LLGL1: variants seen among roughly 807,000 people sequenced by gnomAD.
LLGL1 encodes the protein LLGL scribble cell polarity complex component 1.
A neutral mutation model predicts 110.6 loss-of-function variants in LLGL1; 58 were observed. The observed-to-expected ratio is 0.52, with a 90% CI of 0.42 to 0.65. The LOEUF (loss-of-function observed/expected upper bound fraction) is 0.65. LLGL1 is among the 30% of genes least tolerant of loss of function. The pLI is 0.00. For synonymous variants in LLGL1, 674 were observed against 607.2 expected (o/e 1.11, Z -1.62); for missense variants, 1,229 against 1,462.1 (o/e 0.84, Z 2.60).
At chr17:18,230,745 G>A (rs1219668742) in intron 2 of LLGL1, among the ~76,000 whole-genome samples, 2 of 152,136 alleles carry the variant, frequency 1.3e-5, no homozygotes, top group East Asian at 3.9e-4. Context: ...CTGGGTTTCA[G>A]TATCCTGGTT....
intron 2 of LLGL1, 78 bp from the exon 3 acceptor site, chr17:18,232,417 C>A: frequency 7.6e-7 from 1 of 1,308,968 alleles, no homozygotes; most frequent in Non-Finnish European, 1.1e-6. Flanking sequence ...TAGTCCGGGT[C>A]AAGGAGGAGC....
At chr17:18,227,083 C>T (rs991576820) in intron 1 of LLGL1, among the ~76,000 whole-genome samples, 2 of 152,166 alleles carry the variant, frequency 1.3e-5, no homozygotes, top group African/African-American at 4.8e-5. Flanking sequence ...TTGTGCCAGG[C>T]GCCCTGGGCT....
Position 18,234,411 on chromosome 17 carries a change from G to A in LLGL1, c.850+3G>A. ...CACGGTAGCCACCACACCTTACGGT[G>A]AGTGCTGGGGACACCTTAGCCAGAG... On this transcript the variant is annotated splice_donor_region_variant and intron_variant, in intron 7 of 22. Transcript: ENST00000316843. 1 of 1,611,704 alleles carries A rather than the reference G, an allele frequency of 6.2e-7. No homozygotes were observed. The highest frequency in any genetic ancestry group is 8.5e-7 in the Non-Finnish European group (1 of 1,179,472).
At chr17:18,242,362 G>A (rs1452691948) in intron 20 of LLGL1, 84 bp downstream of exon 20, 24 of 1,543,916 alleles carry the variant, frequency 1.6e-5, no homozygotes, top group Admixed American at 5.1e-5. Flanking sequence ...CTCAGGGATC[G>A]GGCAGGCTTC....
chr17:18,238,451 G>A lies in LLGL1; in HGVS notation c.2053-5G>A, dbSNP rs761901878. The A allele has an allele frequency of 5.6e-6, 9 of 1,604,678 alleles. No homozygotes were observed. The highest frequency in any genetic ancestry group is 3.3e-5 in the South Asian group (3 of 90,556). Reference sequence around the variant, plus strand: ...AGACAGTGTTCAGGAGCCCCCGCCCGGCAGTTGCAGGAAGCCAATGCACAG... The same window carrying A: ...AGACAGTGTTCAGGAGCCCCCGCCCAGCAGTTGCAGGAAGCCAATGCACAG... On this transcript the variant is annotated splice_region_variant and splice_polypyrimidine_tract_variant and intron_variant, in intron 15 of 22. Transcript: ENST00000316843.
At chr17:18,242,952 C>A in intron 22 of LLGL1, 130 bp downstream of exon 22, 1 of 840,508 alleles carries the variant, frequency 1.2e-6, no homozygotes. Context: ...CTCTCTGAAA[C>A]CTGGCTGCCT....
At chr17:18,229,676 G>A (rs1225602592) in intron 1 of LLGL1, among the ~76,000 whole-genome samples, 1 of 152,210 alleles carries the variant, frequency 6.6e-6, no homozygotes, top group Non-Finnish European at 1.5e-5. Context: ...GGGGCACAGG[G>A]GCTTGGCAAA....
chr17:18,243,492 A>G (rs2047900866), intron 22 of LLGL1, among the ~76,000 whole-genome samples: 1 of 152,212 alleles, frequency 6.6e-6, no homozygotes, highest in African/African-American at 2.4e-5. Context: ...AGATGAGATC[A>G]CTGAGGTGCA....
At chr17:18,229,185 T>C (rs778812604) in intron 1 of LLGL1, among the ~76,000 whole-genome samples, 7 of 152,038 alleles carry the variant, frequency 4.6e-5, no homozygotes, top group Non-Finnish European at 1.0e-4. Flanking sequence ...GACAGGAGAC[T>C]GGTGCAGAAA....
chr17:18,236,015 A>G, intron 11 of LLGL1: 1 of 192,128 alleles, frequency 5.2e-6, no homozygotes, highest in Non-Finnish European at 1.1e-5. Flanking sequence ...AATGAGTCTC[A>G]ACCACCCCCA....
chr17:18,234,214 C>T, intron 6 of LLGL1, 39 bp downstream of exon 6: 1 of 1,598,276 alleles, frequency 6.3e-7, no homozygotes, highest in African/African-American at 1.3e-5. Flanking sequence ...GCCTGGGCCC[C>T]TTGTGCATGC....
Position 18,232,787 on chromosome 17 carries a change from G to T in LLGL1, c.377G>T (p.Gly126Val). The change falls in exon 4 of 23, where the codon GGC (glycine) becomes GTC (valine). Residue 126 changes from glycine to valine, a missense_variant. By Grantham distance (109) the Gly-to-Val change is moderately radical. Coordinates refer to ENST00000316843, the MANE Select transcript of LLGL1 (RefSeq NM_004140.4). ...AGTTTCCAGCTGCCCAGCCGGCCCG[G>T]CTTTGATGGTGCCAGGTACTGGAGA... ...ALSFQLPSRP[G>V]FDGASAPLSL... is the part of the protein sequence containing the mutation. The T allele has an allele frequency of 6.2e-7, 1 of 1,613,976 alleles. No homozygotes were observed. Among genetic ancestry groups the T allele is most frequent in the Middle Eastern group, 1.7e-4 (1 of 6,060 alleles).
Position 18,234,719 on chromosome 17 carries a change from G to A in LLGL1, c.905+16G>A. On this transcript the variant is annotated intron_variant, in intron 8 of 22. Transcript: ENST00000316843. ...GTGAATCTGGGTAGGTCGAGGGAGT[G>A]GGTGTCCGATGTGAGTTGGGTCTGG... The A allele has an allele frequency of 6.2e-7, 1 of 1,614,072 alleles. No homozygotes were observed. Among genetic ancestry groups the A allele is most frequent in the East Asian group, 2.2e-5 (1 of 44,880 alleles).
In LLGL1 at chr17:18,225,730, G is replaced by A. The variant is rs2142519473; in HGVS notation, c.48G>A (p.Glu16=). 9.5e-7 allele frequency: 1 copy of A among 1,048,294 alleles called. No homozygotes were observed. The allele number at this position is 1,048,294 out of a possible 1,614,324, so 64.9% of individuals were successfully genotyped here. ...FRRQGADPQR[E]KLKQELFAFN... Reference sequence around the variant, plus strand: ...GGCAGGGCGCCGACCCGCAGCGCGAGAAGCTCAAGCAGGAGCTTTTCGCCT... The same window carrying A: ...GGCAGGGCGCCGACCCGCAGCGCGAAAAGCTCAAGCAGGAGCTTTTCGCCT... The change falls in exon 1 of 23, where the codon GAG becomes GAA. Residue 16 remains glutamate (E), a synonymous_variant. Transcript: ENST00000316843.
rs771354361 is a variant in LLGL1, at chr17:18,234,076, G to A, written c.615G>A (p.Leu205=). 1.7e-5 allele frequency: 28 copies of A among 1,611,370 alleles called. No homozygotes were observed. Among genetic ancestry groups the A allele is most frequent in the Non-Finnish European group, 2.3e-5 (27 of 1,178,700 alleles). Reference sequence around the variant, plus strand: ...CCGTGGAGTCACTCCAGGGACACCTGCGGGACCCCACAAAGATTCTCATTG... The same window carrying A: ...CCGTGGAGTCACTCCAGGGACACCTACGGGACCCCACAAAGATTCTCATTG... ...LGPVESLQGH[L]RDPTKILIGY... is the part of the protein sequence containing the mutation. The change falls in exon 6 of 23, where the codon CTG becomes CTA. Residue 205 remains leucine, a synonymous_variant. Transcript: ENST00000316843.
rs1567692502 is a variant in LLGL1 at position 18,237,631 on chromosome 17, C to T, written c.1762C>T (p.Gln588Ter). ...GCCGCTGCCCTGGCCTGCTGGCTTCCAGCCCCGTGTCCTGGTGCAGTGCCT... is the reference window on the plus strand; with the variant it reads ...GCCGCTGCCCTGGCCTGCTGGCTTCTAGCCCCGTGTCCTGGTGCAGTGCCT... ...TGPLPWPAGF[Q>*]PRVLVQCLPP... The change falls in exon 14 of 23, where the codon CAG becomes TAG. Residue 588 changes from glutamine (Q) to a stop codon, truncating the protein, a stop_gained. Transcript: ENST00000316843. LOFTEE classifies it high-confidence loss of function. 2 of 1,611,720 alleles carry T rather than the reference C, an allele frequency of 1.2e-6. No homozygotes were observed. Among genetic ancestry groups the T allele is most frequent in the Non-Finnish European group, 1.7e-6 (2 of 1,179,914 alleles).
In LLGL1 at chr17:18,242,611, T is replaced by C; in HGVS notation, c.3099T>C (p.Asp1033=). The C allele has an allele frequency of 6.2e-7, 1 of 1,612,722 alleles. No individual in the cohort carries two copies. The highest frequency in any genetic ancestry group is 8.5e-7 in the Non-Finnish European group (1 of 1,179,300). The change falls in exon 21 of 23, where the codon GAT becomes GAC. Residue 1033 remains aspartate, a synonymous_variant. Coordinates refer to ENST00000316843, the MANE Select transcript of LLGL1 (RefSeq NM_004140.4). ...LDTTGDVTVE[D]VKDFLGSSEE... ...CGACAGGGGACGTCACAGTGGAAGA[T>C]GTGAAGGATTTCCTGGGGTGAGGCT...
At chr17:18,238,390 G>A (rs1159043681) in intron 15 of LLGL1, 66 bp from the exon 16 acceptor site, 29 of 1,573,816 alleles carry the variant, frequency 1.8e-5, no homozygotes, top group African/African-American at 2.7e-5. Context: ...AGAACGTAGG[G>A]CGCAAAGCAG....
At chr17:18,243,545 T>TA (rs2047902908) in intron 22 of LLGL1, among the ~76,000 whole-genome samples, 1 of 152,224 alleles carries the variant, frequency 6.6e-6, no homozygotes. Context: ...GTGGCTGACT[T>TA]ACCCCTGCCT....
Sources: allele counts gnomAD v4.1 joint callset (sites outside exome capture counted in the v4.1 genomes callset), GRCh38; gene constraint gnomAD v4.1.1; transcripts MANE v1.5; gene names NCBI Gene and HGNC (gene_info 2026-07-23, HGNC 2026-07-21).